The following ZSWIM2 variants were observed in gnomAD, a reference collection of about 807,000 sequenced individuals.
ZSWIM2 encodes the protein E3 ubiquitin-protein ligase ZSWIM2.
Under a neutral mutation model 48.4 loss-of-function variants are expected in ZSWIM2, and 38 were observed. The observed-to-expected ratio is 0.79, with a 90% CI of 0.61 to 1.03. The LOEUF (loss-of-function observed/expected upper bound fraction) is 1.03, where lower values mean the gene tolerates loss of function less well. Ranked by LOEUF, ZSWIM2 falls within the 50% of genes least tolerant of loss-of-function variation. ZSWIM2 has a pLI of 0.00. For synonymous variants in ZSWIM2, 240 were observed against 251.3 expected, an observed-to-expected ratio of 0.96 and a Z score of 0.42; for missense variants, 776 against 730.2, an observed-to-expected ratio of 1.06 and a Z score of -0.72.
In ZSWIM2 at chr2:186,839,176, A is replaced by G. The variant is rs1559114548; in HGVS notation, c.284-7T>C. On this transcript the variant is annotated splice_polypyrimidine_tract_variant and splice_region_variant and intron_variant, in intron 3 of 8. Coordinates refer to ENST00000295131, the MANE Select transcript of ZSWIM2 (RefSeq NM_182521.3). Reference sequence around the variant, plus strand: ...AGACCCAGTTGTAAAGCAGCTAGTGAGAAATCCCAAAGTATTAAAATCCAG... The same window carrying G: ...AGACCCAGTTGTAAAGCAGCTAGTGGGAAATCCCAAAGTATTAAAATCCAG... The G allele has an allele frequency of 1.2e-6, 2 of 1,609,982 alleles. No homozygotes were observed. Among genetic ancestry groups the G allele is most frequent in the Non-Finnish European group, 1.7e-6 (2 of 1,177,318 alleles).
chr2:186,828,783 CTG>C lies in ZSWIM2; in HGVS notation c.1101_1102del (p.His367GlnfsTer5). ...GAATAACCAGTTGTCAATACACTTC[CTG>C]TGAAACTTTAAAAAAAAGGTAAGCT... On this transcript the variant is annotated frameshift_variant, in exon 9 of 9. Coordinates refer to ENST00000295131, the MANE Select transcript of ZSWIM2 (RefSeq NM_182521.3). LOFTEE classifies it low-confidence loss of function (END_TRUNC). 3 of 1,524,350 alleles carry C rather than the reference CTG, an allele frequency of 2.0e-6. No individual in the cohort carries two copies. Among genetic ancestry groups the C allele is most frequent in the Middle Eastern group, 1.8e-4 (1 of 5,670 alleles). The allele number at this position is 1,524,350 out of a possible 1,614,324, so 94.4% of individuals were successfully genotyped here.
At position 186,828,344 on chromosome 2, in the gene ZSWIM2, A is replaced by C; in HGVS notation, c.1542T>G (p.Leu514=). ...CAATATTCTTATGAACAATAGGAGG[A>C]AGCAGTGTTTGAGATGGTATTTTCC... ...SFGKIPSQTL[L]PPIVHKNIVC... The change falls in exon 9 of 9, where the codon CTT becomes CTG. Residue 514 remains leucine, a synonymous_variant. Transcript: ENST00000295131. The C allele has an allele frequency of 1.2e-6, 2 of 1,613,714 alleles. No homozygotes were observed. The highest frequency in any genetic ancestry group is 1.7e-6 in the Non-Finnish European group (2 of 1,179,798).
chr2:186,827,553 G>T lies in ZSWIM2; in HGVS notation c.*431C>A, dbSNP rs1559110240. Among the ~76,000 whole-genome samples the T allele has an allele frequency of 6.7e-6, 1 of 150,326 alleles. No homozygotes were observed. Among genetic ancestry groups the T allele is most frequent in the Non-Finnish European group, 1.5e-5 (1 of 67,418 alleles). ...AAACTCCTTTATGGAGTTTTTTAAG[G>T]TTTTTTTTTATAGGTTTGTGGTAAT... On this transcript the variant is annotated 3_prime_UTR_variant, in exon 9 of 9. Coordinates refer to ENST00000295131, the MANE Select transcript of ZSWIM2 (RefSeq NM_182521.3).
At position 186,839,086 on chromosome 2, in the gene ZSWIM2, T is replaced by C. The variant is rs755046707; in HGVS notation, c.367A>G (p.Thr123Ala). 8.1e-6 allele frequency: 13 copies of C among 1,611,952 alleles called. No homozygotes were observed. Among genetic ancestry groups the C allele is most frequent in the African/African-American group, 6.7e-5 (5 of 74,800 alleles). ...IHRVQTPQPG[T>A]NDENEHVEED... ...TCAACATGTTCATTTTCGTCATTTG[T>C]TCCTGGTTGGGGAGTTTGAACTCGA... The change falls in exon 4 of 9, where the codon ACA becomes GCA. Residue 123 changes from threonine to alanine, a missense_variant. Transcript: ENST00000295131.
In ZSWIM2 at chr2:186,833,138, T is replaced by G; in HGVS notation, c.923A>C (p.His308Pro). The G allele has an allele frequency of 6.7e-7, 1 of 1,498,140 alleles. No homozygotes were observed. The highest frequency in any genetic ancestry group is 1.5e-5 in the African/African-American group (1 of 68,692). 92.8% of individuals were successfully genotyped at this position (1,498,140 alleles called of 1,614,324 possible). ...TKNEIEEKMS[H>P]FQEKQGQVYT... The stretch of plus-strand genomic sequence containing the variant: ...ACCTCACCCTTGCTTTTCTTGAAAA[T>G]GTGACATCTTTTCTTCAATCTCATT... The change falls in exon 7 of 9, where the codon CAT becomes CCT. Residue 308 changes from histidine to proline, a missense_variant. Coordinates refer to ENST00000295131, the MANE Select transcript of ZSWIM2 (RefSeq NM_182521.3).
chr2:186,847,143 A>G (rs1692019181), intron 2 of ZSWIM2, among the ~76,000 whole-genome samples: 1 of 152,010 alleles, frequency 6.6e-6, no homozygotes, highest in South Asian at 2.1e-4. Flanking sequence ...TATGCATGTA[A>G]GAAACCTGAA....
At chr2:186,844,917 G>A (rs1321514787) in intron 2 of ZSWIM2, among the ~76,000 whole-genome samples, 160 bp from the exon 3 acceptor site, 4 of 151,448 alleles carry the variant, frequency 2.6e-5, no homozygotes, top group African/African-American at 9.7e-5. Context: ...TATAATAGTT[G>A]TTAAACTTAT....
rs535140934 is a variant in ZSWIM2 at position 186,843,702 on chromosome 2, A to G, written c.283+1015T>C. 3.3e-5 allele frequency among the ~76,000 whole-genome samples: 5 copies of G among 151,718 alleles called. No homozygotes were observed. The East Asian group carries it at 5.8e-4, about 18-fold the overall frequency. ...GGAGAAATCAGTATTTAAGATGCCC[A>G]TGGGACCTCCAAATTGAGCTTCCCA... On this transcript the variant is annotated intron_variant, in intron 3 of 8. Transcript: ENST00000295131.
At chr2:186,843,952 T>TA (rs1691951965) in intron 3 of ZSWIM2, among the ~76,000 whole-genome samples, 1 of 151,724 alleles carries the variant, frequency 6.6e-6, no homozygotes, top group Admixed American at 6.6e-5. Flanking sequence ...TAAACTTGCC[T>TA]AAATAAAACC....
chr2:186,846,808 C>CATATATATATATATATATAT (rs1264213432), intron 2 of ZSWIM2, among the ~76,000 whole-genome samples: 66 of 50,292 alleles, frequency 1.3e-3, no homozygotes, highest in African/African-American at 3.5e-3. Context: ...CACACACACA[C>CATATATATATATATATATAT]ACATATATAT....
At chr2:186,836,426 A>C (rs1261142033) in intron 5 of ZSWIM2, among the ~76,000 whole-genome samples, 4 of 152,116 alleles carry the variant, frequency 2.6e-5, no homozygotes, top group Non-Finnish European at 1.5e-5. Flanking sequence ...TTTTGTTAAT[A>C]ATCAACTTTC....
intron 3 of ZSWIM2, among the ~76,000 whole-genome samples, chr2:186,841,554 G>C (rs566939534): frequency 2.6e-5 from 4 of 151,234 alleles, no homozygotes; most frequent in Admixed American, 2.6e-4. Flanking sequence ...TTTAGGCTAA[G>C]GAAATATTTG....
At chr2:186,846,138 T>G (rs910994260) in intron 2 of ZSWIM2, among the ~76,000 whole-genome samples, 9 of 151,788 alleles carry the variant, frequency 5.9e-5, no homozygotes, top group African/African-American at 2.2e-4. Context: ...TTAATAGACT[T>G]AATTAAACTA....
intron 5 of ZSWIM2, among the ~76,000 whole-genome samples, chr2:186,836,964 G>A (rs1691804874): frequency 6.6e-6 from 1 of 152,110 alleles, no homozygotes; most frequent in Non-Finnish European, 1.5e-5. Context: ...GTTACAGAGG[G>A]TGAGAGATCC....
rs187373363 is a variant in ZSWIM2 at position 186,846,798 on chromosome 2, C to T, written c.242+921G>A. On this transcript the variant is annotated intron_variant, in intron 2 of 8. Coordinates refer to ENST00000295131, the MANE Select transcript of ZSWIM2 (RefSeq NM_182521.3). ...ATGTGTGTATAAACATATATATATA[C>T]ACACACACACACATATATATATATA... Among the ~76,000 whole-genome samples the T allele has an allele frequency of 7.1e-3, 308 of 43,426 alleles. 2 individuals carry two copies. The highest frequency in any genetic ancestry group is 8.1e-3 in the Non-Finnish European group (143 of 17,602). 28.5% of individuals were successfully genotyped at this position (43,426 alleles called of 152,430 possible).
rs755436347 is a variant in ZSWIM2, at chr2:186,828,107, C to G, written c.1779G>C (p.Arg593Ser). ...WSTAKLSLSK[R>S]YSNCMGEITR... Reference sequence around the variant, plus strand: ...TAATTTCCCCCATACAGTTACTATACCTTTTAGACAAACTAAGTTTAGCTG... The same window carrying G: ...TAATTTCCCCCATACAGTTACTATAGCTTTTAGACAAACTAAGTTTAGCTG... The change falls in exon 9 of 9, where the codon AGG (arginine) becomes AGC (serine). Residue 593 changes from arginine to serine, a missense_variant. Transcript: ENST00000295131. The G allele has an allele frequency of 1.2e-6, 2 of 1,613,336 alleles. No homozygotes were observed. The highest frequency in any genetic ancestry group is 1.7e-6 in the Non-Finnish European group (2 of 1,179,654).
Position 186,840,644 on chromosome 2 carries a change from T to C in ZSWIM2, c.284-1475A>G, listed in dbSNP as rs551339671. ...AAACCAAATACCAACCTCCAACTTA[T>C]ACCAAAACAACTACACACTGGTGCT... is the stretch of plus-strand genomic sequence containing the variant. On this transcript the variant is annotated intron_variant, in intron 3 of 8. Coordinates refer to ENST00000295131, the MANE Select transcript of ZSWIM2 (RefSeq NM_182521.3). Among the ~76,000 whole-genome samples, 9 of 151,516 alleles carry C rather than the reference T, an allele frequency of 5.9e-5. No homozygotes were observed. The South Asian group carries it at 1.5e-3, about 24-fold the overall frequency.
intron 5 of ZSWIM2, among the ~76,000 whole-genome samples, chr2:186,835,118 T>C (rs1401001066): frequency 6.6e-6 from 1 of 152,152 alleles, no homozygotes; most frequent in African/African-American, 2.4e-5. Flanking sequence ...GTTTCATGAA[T>C]GCCAGAGTTA....
chr2:186,838,491 C>A (rs1691839911), intron 4 of ZSWIM2, among the ~76,000 whole-genome samples: 2 of 149,362 alleles, frequency 1.3e-5, no homozygotes, highest in African/African-American at 4.9e-5. Context: ...TATAATAAAC[C>A]ATCACATTTA....
Sources: allele counts gnomAD v4.1 joint callset (sites outside exome capture counted in the v4.1 genomes callset), GRCh38; gene constraint gnomAD v4.1.1; transcripts MANE v1.5; gene names NCBI Gene and HGNC (gene_info 2026-07-23, HGNC 2026-07-21).